Variants in NAALADL2 observed in about 807,000 individuals in gnomAD.
NAALADL2 encodes the protein N-acetylated alpha-linked acidic dipeptidase like 2.
Under a neutral mutation model 87.2 loss-of-function variants are expected in NAALADL2, and 76 were observed. The observed-to-expected ratio is 0.87, with a 90% CI of 0.72 to 1.05. The LOEUF is 1.05. Ranked by LOEUF, NAALADL2 falls within the 50% of genes least tolerant of loss-of-function variation. The pLI is 0.00. For missense variants in NAALADL2, 1,089 were observed against 945.8 expected (o/e 1.15, Z -1.99); for synonymous variants, 354 against 331.0 (o/e 1.07, Z -0.75).
At chr3:175,763,140 C>A (rs1266469991) in intron 13 of NAALADL2, among the ~76,000 whole-genome samples, 4 of 150,906 alleles carry the variant, frequency 2.7e-5, no homozygotes, top group Non-Finnish European at 4.4e-5. Flanking sequence ...GTAGCACTAG[C>A]TTTCAAAATA....
chr3:175,645,638 A>G (rs1729904122), intron 11 of NAALADL2, among the ~76,000 whole-genome samples: 1 of 152,126 alleles, frequency 6.6e-6, no homozygotes, highest in Non-Finnish European at 1.5e-5. Flanking sequence ...GGCAAGAGAC[A>G]GCACAGCCTA....
At chr3:175,351,147 A>G (rs191961009) in intron 5 of NAALADL2, among the ~76,000 whole-genome samples, 1 of 152,264 alleles carries the variant, frequency 6.6e-6, no homozygotes, top group Admixed American at 6.5e-5. Context: ...TCACTTTTCA[A>G]GGTCACTTAG....
intron 5 of NAALADL2, among the ~76,000 whole-genome samples, chr3:175,340,646 G>T (rs1011173183): frequency 1.3e-5 from 2 of 152,146 alleles, no homozygotes; most frequent in Non-Finnish European, 2.9e-5. Flanking sequence ...AGTTATGAAA[G>T]CAAGCCCCTG....
chr3:174,782,319 T>C (rs1372782397), intron 3 of NAALADL2, among the ~76,000 whole-genome samples: 2 of 152,164 alleles, frequency 1.3e-5, no homozygotes, highest in Non-Finnish European at 2.9e-5. Context: ...ATGTGTGTTT[T>C]AATAGAGTAA....
At chr3:174,976,147 T>C (rs1258362637) in intron 1 of NAALADL2, among the ~76,000 whole-genome samples, 1 of 152,238 alleles carries the variant, frequency 6.6e-6, no homozygotes, top group Non-Finnish European at 1.5e-5. Context: ...ACAATTAATA[T>C]ACTATAAAAT....
intron 9 of NAALADL2, among the ~76,000 whole-genome samples, chr3:175,485,656 G>A (rs1287039200): frequency 1.3e-5 from 2 of 152,178 alleles, no homozygotes; most frequent in East Asian, 1.9e-4. Flanking sequence ...GACTCAGCAA[G>A]TTAGCTTTTC....
intron 3 of NAALADL2, among the ~76,000 whole-genome samples, chr3:175,252,056 G>A (rs1407950612): frequency 6.6e-6 from 1 of 152,140 alleles, no homozygotes; most frequent in Non-Finnish European, 1.5e-5. Context: ...TCAGCCTATT[G>A]ATATGTTCCA....
chr3:174,577,979 T>C (rs554926886), intron 2 of NAALADL2, among the ~76,000 whole-genome samples: 1 of 151,750 alleles, frequency 6.6e-6, no homozygotes, highest in Non-Finnish European at 1.5e-5. Flanking sequence ...AAGTACAAAA[T>C]TTAAAAGAAA....
At chr3:175,099,644 C>T (rs970418230) in intron 2 of NAALADL2, among the ~76,000 whole-genome samples, 7 of 152,168 alleles carry the variant, frequency 4.6e-5, no homozygotes, top group African/African-American at 1.7e-4. Context: ...AATTTATTAA[C>T]AATTTTGTGC....
chr3:175,626,903 T>G (rs546264964), intron 10 of NAALADL2, among the ~76,000 whole-genome samples: 1 of 151,834 alleles, frequency 6.6e-6, no homozygotes, highest in Non-Finnish European at 1.5e-5. Context: ...ATATCTCCAG[T>G]TCAGAATTTG....
chr3:175,473,807 A>G (rs1188890232), intron 9 of NAALADL2, among the ~76,000 whole-genome samples: 3 of 152,156 alleles, frequency 2.0e-5, no homozygotes, highest in African/African-American at 4.8e-5. Context: ...AACTAAAATG[A>G]TAACATCCAG....
rs548010935 is a variant in NAALADL2 at position 175,462,193 on chromosome 3, G to A, written c.1235-1208G>A. Among the ~76,000 whole-genome samples the A allele has an allele frequency of 1.1e-4, 16 of 152,212 alleles. 1 individual carries two copies. The South Asian group carries it at 3.3e-3, about 32-fold the overall frequency. On this transcript the variant is annotated intron_variant, in intron 6 of 13. Transcript: ENST00000454872. Reference sequence around the variant, plus strand: ...GGAGGCTTGGGAGACAGAGGGTATTGGGGAACTGTATACTTTCTCCTCAGT... The same window carrying A: ...GGAGGCTTGGGAGACAGAGGGTATTAGGGAACTGTATACTTTCTCCTCAGT...
chr3:174,894,351 G>T (rs1196182226), intron 1 of NAALADL2, among the ~76,000 whole-genome samples: 1 of 151,998 alleles, frequency 6.6e-6, no homozygotes, highest in Non-Finnish European at 1.5e-5. Flanking sequence ...AGCATTTTGG[G>T]AGGCCAAGAC....
chr3:174,838,669 C>T (rs1723651090), intron 3 of NAALADL2, among the ~76,000 whole-genome samples: 1 of 152,132 alleles, frequency 6.6e-6, no homozygotes, highest in African/African-American at 2.4e-5. Context: ...AATTAATGTT[C>T]ATAAATCAGT....
chr3:174,653,460 T>C (rs2108760229), intron 2 of NAALADL2, among the ~76,000 whole-genome samples: 1 of 152,312 alleles, frequency 6.6e-6, no homozygotes, highest in East Asian at 1.9e-4. Flanking sequence ...AATGCAAAGA[T>C]TTCTATCCTT....
At chr3:175,019,264 C>T (rs1480420194) in intron 1 of NAALADL2, among the ~76,000 whole-genome samples, 2 of 152,000 alleles carry the variant, frequency 1.3e-5, no homozygotes, top group Non-Finnish European at 2.9e-5. Context: ...CAGTGTCTGC[C>T]TATACCTGGT....
At position 175,771,738 on chromosome 3, in the gene NAALADL2, T is replaced by C. The variant is rs151094636; in HGVS notation, c.2189+16320T>C. 2.7e-3 allele frequency among the ~76,000 whole-genome samples: 415 copies of C among 152,300 alleles called. 3 individuals are homozygous for C. The highest frequency in any genetic ancestry group is 9.7e-3 in the African/African-American group (402 of 41,560). On this transcript the variant is annotated intron_variant, in intron 13 of 13. Coordinates refer to ENST00000454872, the MANE Select transcript of NAALADL2 (RefSeq NM_207015.3). ...CACATAATACAGGATAATCTCCTTA[T>C]ATCAAAATCCGTAATCACATCTGTA...
chr3:174,575,393 A>G (rs1380739310), intron 2 of NAALADL2, among the ~76,000 whole-genome samples: 1 of 152,150 alleles, frequency 6.6e-6, no homozygotes, highest in Non-Finnish European at 1.5e-5. Flanking sequence ...TTTGTGAGCA[A>G]TTCTTTACCA....
intron 1 of NAALADL2, among the ~76,000 whole-genome samples, chr3:174,943,415 C>T (rs181864443): frequency 3.9e-5 from 6 of 152,316 alleles, no homozygotes; most frequent in South Asian, 2.1e-4. Flanking sequence ...TGTTTCCTCA[C>T]AGTTGCAGAC....
Sources: gnomAD v4.1 joint callset for allele counts (sites outside exome capture counted in the v4.1 genomes callset) on GRCh38, gnomAD v4.1.1 for gene constraint, MANE v1.5 for transcripts, NCBI Gene and HGNC (gene_info 2026-07-23, HGNC 2026-07-21) for gene names.